Variants in TBC1D5 observed in about 807,000 individuals in gnomAD.
TBC1D5 encodes the protein TBC1 domain family, member 5.
In TBC1D5, 75 loss-of-function variants were observed where a neutral mutation model predicts 100.3. The ratio of observed to expected loss-of-function variants is 0.75; its 90% CI spans 0.62 to 0.91. The LOEUF (loss-of-function observed/expected upper bound fraction) is 0.91, where lower values mean the gene tolerates loss of function less well. Among genes scored for constraint, TBC1D5 ranks in the 40% least tolerant of loss-of-function variants. The probability of loss-of-function intolerance (pLI) is 0.00; values close to 1 mark genes in which losing one functional copy is unlikely to be tolerated. For missense variants in TBC1D5, 910 were observed against 942.4 expected, an observed-to-expected ratio of 0.97 and a Z score of 0.45; for synonymous variants, 323 against 325.6, an observed-to-expected ratio of 0.99 and a Z score of 0.09.
chr3:17,439,785 A>G (rs1440905676), intron 3 of TBC1D5, among the ~76,000 whole-genome samples: 1 of 152,214 alleles, frequency 6.6e-6, no homozygotes, highest in Non-Finnish European at 1.5e-5. Context: ...AAATATGTCA[A>G]TATAATAGCT....
At chr3:17,418,922 A>T (rs2094146387) in intron 4 of TBC1D5, among the ~76,000 whole-genome samples, 1 of 152,222 alleles carries the variant, frequency 6.6e-6, no homozygotes, top group Non-Finnish European at 1.5e-5. Context: ...CTGAGACTAC[A>T]GTATTCTAAG....
chr3:17,698,815 A>G (rs1341432089), intron 1 of TBC1D5, among the ~76,000 whole-genome samples: 1 of 147,820 alleles, frequency 6.8e-6, no homozygotes, highest in Non-Finnish European at 1.5e-5. Flanking sequence ...ACTGGCCATC[A>G]GAGAAATGCA....
At chr3:17,469,310 G>A (rs542308551) in intron 3 of TBC1D5, among the ~76,000 whole-genome samples, 4 of 152,180 alleles carry the variant, frequency 2.6e-5, no homozygotes, top group South Asian at 4.1e-4. Flanking sequence ...ATAATCTATC[G>A]AGTCACATCT....
intron 13 of TBC1D5, among the ~76,000 whole-genome samples, chr3:17,341,641 C>T (rs2088955105): frequency 6.6e-6 from 1 of 152,148 alleles, no homozygotes; most frequent in South Asian, 2.1e-4. Flanking sequence ...TATTCTTAAT[C>T]ACCGTTCTAT....
At chr3:17,675,860 T>C (rs151165488) in intron 1 of TBC1D5, among the ~76,000 whole-genome samples, 2,669 of 152,270 alleles carry the variant, frequency 0.018, 55 homozygotes, top group South Asian at 0.048. Context: ...TTTGGAATGA[T>C]TGAAATGATA....
chr3:17,518,308 A>T (rs1173448981), intron 2 of TBC1D5, among the ~76,000 whole-genome samples: 1 of 152,148 alleles, frequency 6.6e-6, no homozygotes, highest in Non-Finnish European at 1.5e-5. Context: ...CTGCCCCTTC[A>T]TCCTGTGCCT....
intron 15 of TBC1D5, among the ~76,000 whole-genome samples, chr3:17,267,351 T>C (rs1018413841): frequency 6.6e-6 from 1 of 151,874 alleles, no homozygotes; most frequent in African/African-American, 2.4e-5. Flanking sequence ...TCAGTAGTAC[T>C]GAACTCTTCA....
chr3:17,469,754 T>C (rs780350871), intron 3 of TBC1D5, among the ~76,000 whole-genome samples: 2 of 152,262 alleles, frequency 1.3e-5, no homozygotes, highest in Admixed American at 1.3e-4. Context: ...TGAGTCATAA[T>C]TGTTGATCTC....
At chr3:17,442,377 TC>T (rs2094683442) in intron 3 of TBC1D5, among the ~76,000 whole-genome samples, 1 of 152,220 alleles carries the variant, frequency 6.6e-6, no homozygotes, top group Non-Finnish European at 1.5e-5. Context: ...CAGAAAAGGT[TC>T]CCTGTTGTGC....
chr3:17,475,009 A>G (rs2095421235), intron 3 of TBC1D5, among the ~76,000 whole-genome samples: 2 of 152,154 alleles, frequency 1.3e-5, no homozygotes, highest in South Asian at 4.1e-4. Flanking sequence ...TCTGCATTTA[A>G]TTATTAAGCA....
chr3:17,547,743 G>A (rs565077930), intron 2 of TBC1D5, among the ~76,000 whole-genome samples: 1 of 152,230 alleles, frequency 6.6e-6, no homozygotes, highest in Admixed American at 6.5e-5. Context: ...TGTTACCATA[G>A]TAACATCCTG....
chr3:17,266,349 C>A (rs2596650), intron 15 of TBC1D5, among the ~76,000 whole-genome samples: 1 of 151,874 alleles, frequency 6.6e-6, no homozygotes, highest in Non-Finnish European at 1.5e-5. Flanking sequence ...AGGGATATTG[C>A]CTGAATATTA....
intron 1 of TBC1D5, among the ~76,000 whole-genome samples, chr3:17,721,118 G>A (rs2075662565): frequency 6.6e-6 from 1 of 152,024 alleles, no homozygotes; most frequent in Non-Finnish European, 1.5e-5. Context: ...TGGGATTACA[G>A]GGATGAGAAA....
intron 15 of TBC1D5, among the ~76,000 whole-genome samples, chr3:17,277,937 T>C (rs747411887): frequency 1.3e-5 from 2 of 152,116 alleles, no homozygotes; most frequent in African/African-American, 2.4e-5. Flanking sequence ...CCAGCTGTAA[T>C]GAAATTACAA....
intron 13 of TBC1D5, among the ~76,000 whole-genome samples, chr3:17,343,923 T>C (rs2089434342): frequency 6.6e-6 from 1 of 152,180 alleles, no homozygotes; most frequent in South Asian, 2.1e-4. Context: ...AACCAGCTCC[T>C]GGATTCATTA....
intron 19 of TBC1D5, among the ~76,000 whole-genome samples, chr3:17,182,313 A>C (rs1165696878): frequency 2.0e-5 from 3 of 152,258 alleles, no homozygotes; most frequent in Non-Finnish European, 2.9e-5. Context: ...GTTCTGGCTG[A>C]AAGTGAAACG....
At chr3:17,201,767 T>G (rs2071491610) in intron 18 of TBC1D5, among the ~76,000 whole-genome samples, 1 of 152,212 alleles carries the variant, frequency 6.6e-6, no homozygotes, top group Non-Finnish European at 1.5e-5. Flanking sequence ...CCTCTTCACC[T>G]TCTGCCATGA....
intron 1 of TBC1D5, among the ~76,000 whole-genome samples, chr3:17,686,223 C>T (rs978190213): frequency 6.6e-6 from 1 of 152,120 alleles, no homozygotes; most frequent in Non-Finnish European, 1.5e-5. Flanking sequence ...AATGTAGTCA[C>T]AATCTAATTA....
chr3:17,686,741 C>G (rs1232632541), intron 1 of TBC1D5, among the ~76,000 whole-genome samples: 2 of 152,130 alleles, frequency 1.3e-5, no homozygotes, highest in Non-Finnish European at 2.9e-5. Context: ...GGGTTCTCAA[C>G]TAAGGGTGAC....
Sources: gnomAD v4.1 joint callset for allele counts (sites outside exome capture counted in the v4.1 genomes callset) on GRCh38, gnomAD v4.1.1 for gene constraint, MANE v1.5 for transcripts, NCBI Gene and HGNC (gene_info 2026-07-23, HGNC 2026-07-21) for gene names.